The following PPP1R14C variants were observed in gnomAD, a reference collection of about 807,000 sequenced individuals.
PPP1R14C encodes protein phosphatase 1 regulatory inhibitor subunit 14C.
PPP1R14C carries 16 observed loss-of-function variants against 20.4 expected under a neutral mutation model. The ratio of observed to expected loss-of-function variants is 0.78; its 90% confidence interval spans 0.53 to 1.19. The LOEUF (loss-of-function observed/expected upper bound fraction) is 1.19. Ranked by LOEUF, PPP1R14C falls within the 50% of genes most tolerant of loss-of-function variation. The pLI, the probability that PPP1R14C is intolerant of heterozygous loss-of-function variation, is 0.00. For synonymous variants in PPP1R14C, 91 were observed against 91.0 expected (o/e 1.00, Z 0.00); for missense variants, 211 against 220.1 (o/e 0.96, Z 0.26).
chr6:150,161,491 T>A (rs1777367322), intron 1 of PPP1R14C, among the ~76,000 whole-genome samples: 2 of 152,204 alleles, frequency 1.3e-5, no homozygotes, highest in Non-Finnish European at 2.9e-5. Context: ...TCATTTGATG[T>A]CTTCGATTCT....
At chr6:150,190,434 C>CT (rs147541303) in intron 1 of PPP1R14C, among the ~76,000 whole-genome samples, 11,939 of 140,042 alleles carry the variant, frequency 0.085, 1,140 homozygotes, top group African/African-American at 0.24. Flanking sequence ...TGTATTTTGC[C>CT]TTTTTTTTTT....
intron 3 of PPP1R14C, among the ~76,000 whole-genome samples, chr6:150,241,661 C>T (rs1024037475): frequency 6.6e-5 from 10 of 152,052 alleles, no homozygotes; most frequent in African/African-American, 2.2e-4. Context: ...CCGAGGTGGG[C>T]GGATCACTTG....
intron 1 of PPP1R14C, among the ~76,000 whole-genome samples, chr6:150,146,623 G>T (rs1777183046): frequency 6.6e-6 from 1 of 152,150 alleles, no homozygotes; most frequent in African/African-American, 2.4e-5. Flanking sequence ...CGCACGCCCA[G>T]TCTTGGTATG....
chr6:150,237,674 C>T (rs772720158), intron 3 of PPP1R14C, among the ~76,000 whole-genome samples: 85 of 152,302 alleles, frequency 5.6e-4, no homozygotes, highest in Non-Finnish European at 7.2e-4. Context: ...TTAATCCTTA[C>T]AGCATCCTTG....
rs751336514 is a variant in PPP1R14C at position 150,185,663 on chromosome 6, C to A, written c.307-29081C>A. On this transcript the variant is annotated intron_variant, in intron 1 of 3. Coordinates refer to ENST00000361131, the MANE Select transcript of PPP1R14C (RefSeq NM_030949.3). This position sits in a 1 kb window ranked among gnomAD's most constrained non-coding sequence, Gnocchi z 4.1. ...AGCTGATGATCATTTATTATTCCAG[C>A]AAGCAGTGACAAATCAGCTCTGTGT... Among the ~76,000 whole-genome samples the A allele has an allele frequency of 1.7e-4, 26 of 152,092 alleles. No individual in the cohort carries two copies. The highest frequency in any genetic ancestry group is 3.2e-4 in the Non-Finnish European group (22 of 68,040).
intron 1 of PPP1R14C, among the ~76,000 whole-genome samples, chr6:150,196,964 G>T (rs1777812180): frequency 6.6e-6 from 1 of 152,226 alleles, no homozygotes; most frequent in African/African-American, 2.4e-5. Context: ...GGCATTTGCA[G>T]AAGATGCCAA....
chr6:150,214,801 G>C lies in PPP1R14C; in HGVS notation c.364G>C (p.Asp122His). The change falls in exon 2 of 4, where the codon GAT becomes CAT. Residue 122 changes from aspartate (D) to histidine (H), a missense_variant. Coordinates refer to ENST00000361131, the MANE Select transcript of PPP1R14C (RefSeq NM_030949.3). ...DIDDLLDADS[D>H]EERASKLQEA... The stretch of plus-strand genomic sequence containing the variant: ...TGATGATCTTCTTGATGCAGACAGT[G>C]ATGAAGAGAGAGCTTCAAAATTACA... 1 of 1,611,960 alleles carries C rather than the reference G, an allele frequency of 6.2e-7. No homozygotes were observed. The highest frequency in any genetic ancestry group is 8.5e-7 in the Non-Finnish European group (1 of 1,179,192).
At chr6:150,166,014 C>T (rs549189969) in intron 1 of PPP1R14C, among the ~76,000 whole-genome samples, 11 of 151,668 alleles carry the variant, frequency 7.3e-5, no homozygotes, top group Admixed American at 2.0e-4. Flanking sequence ...TACACCAGAT[C>T]GCATTGTGAG....
intron 1 of PPP1R14C, among the ~76,000 whole-genome samples, chr6:150,179,604 T>C (rs1390854425): frequency 6.6e-6 from 1 of 151,538 alleles, no homozygotes; most frequent in African/African-American, 2.4e-5. Flanking sequence ...TCCCCAAACA[T>C]CTTTCTCATG....
intron 1 of PPP1R14C, among the ~76,000 whole-genome samples, chr6:150,205,138 G>A (rs1272204835): frequency 1.3e-5 from 2 of 152,048 alleles, no homozygotes; most frequent in African/African-American, 4.8e-5. Flanking sequence ...CAGTGATACT[G>A]GCAACTTCCC....
intron 1 of PPP1R14C, among the ~76,000 whole-genome samples, chr6:150,186,648 A>G (rs542425283): frequency 6.6e-6 from 1 of 152,292 alleles, no homozygotes; most frequent in Non-Finnish European, 1.5e-5. Flanking sequence ...GGGAGAAGCC[A>G]ACCAACAGTG....
At chr6:150,214,914 C>A in intron 2 of PPP1R14C, 87 bp downstream of exon 2, 1 of 930,278 alleles carries the variant, frequency 1.1e-6, no homozygotes, top group Non-Finnish European at 1.7e-6. Context: ...CAACTGATTC[C>A]GCCCTGTGGT....
chr6:150,241,270 C>T (rs7748488), intron 3 of PPP1R14C, among the ~76,000 whole-genome samples: 8 of 152,176 alleles, frequency 5.3e-5, no homozygotes, highest in Admixed American at 3.3e-4. Flanking sequence ...GGGAGAGGGG[C>T]CCAGAGAGGG....
rs934025884 is a variant in PPP1R14C, at chr6:150,185,637, A to G, written c.307-29107A>G. ...CTGCGGCCTCCCTGTCTGTATTAGG[A>G]AGCTGATGATCATTTATTATTCCAG... On this transcript the variant is annotated intron_variant, in intron 1 of 3. Transcript: ENST00000361131. This position sits in a 1 kb window ranked among gnomAD's most constrained non-coding sequence, Gnocchi z 4.1. Among the ~76,000 whole-genome samples the G allele has an allele frequency of 1.3e-5, 2 of 152,192 alleles. No homozygotes were observed. The highest frequency in any genetic ancestry group is 1.9e-4 in the East Asian group (1 of 5,168).
Position 150,151,554 on chromosome 6 carries a change from C to T in PPP1R14C, c.306+8056C>T, listed in dbSNP as rs1015809738. 3.3e-5 allele frequency among the ~76,000 whole-genome samples: 5 copies of T among 152,202 alleles called. No individual in the cohort carries two copies. The East Asian group carries it at 9.6e-4, about 29-fold the overall frequency. On this transcript the variant is annotated intron_variant, in intron 1 of 3. Coordinates refer to ENST00000361131, the MANE Select transcript of PPP1R14C (RefSeq NM_030949.3). ...CAAATTACGGCAACCACTCTTTCTG[C>T]TACTGCACCCTCCACCACTGCTGCT...
At chr6:150,244,168 T>TAA (rs10660961) in intron 3 of PPP1R14C, among the ~76,000 whole-genome samples, 47,053 of 146,796 alleles carry the variant, frequency 0.32, 7,441 homozygotes, top group Middle Eastern at 0.37. Flanking sequence ...ATAAAGCTGC[T>TAA]AAAAAAAAAA....
At chr6:150,161,392 AAT>A (rs1408323122) in intron 1 of PPP1R14C, among the ~76,000 whole-genome samples, 2 of 152,214 alleles carry the variant, frequency 1.3e-5, no homozygotes, top group Non-Finnish European at 1.5e-5. Flanking sequence ...ACAGCAAGAA[AAT>A]ATATGTGTGT....
chr6:150,145,163 T>G (rs931615478), intron 1 of PPP1R14C, among the ~76,000 whole-genome samples: 1 of 152,336 alleles, frequency 6.6e-6, no homozygotes, highest in African/African-American at 2.4e-5. Context: ...AAACAATATA[T>G]TTAAAAAATA....
Position 150,171,566 on chromosome 6 carries a change from T to C in PPP1R14C, c.306+28068T>C, listed in dbSNP as rs142598841. On this transcript the variant is annotated intron_variant, in intron 1 of 3. Transcript: ENST00000361131. Reference sequence around the variant, plus strand: ...TCACGTCTCCACACAGAATCTGTGATTGACGCACACATTTGAAAGTTAAGT... The same window carrying C: ...TCACGTCTCCACACAGAATCTGTGACTGACGCACACATTTGAAAGTTAAGT... Among the ~76,000 whole-genome samples the C allele has an allele frequency of 1.7e-3, 252 of 152,348 alleles. 4 individuals carry two copies. The South Asian group carries it at 0.021, about 13-fold the overall frequency.
Sources: gnomAD v4.1 joint callset for allele counts (sites outside exome capture counted in the v4.1 genomes callset) on GRCh38, gnomAD v4.1.1 for gene constraint, Gnocchi (gnomAD v3.1) non-coding constraint, MANE v1.5 for transcripts, NCBI Gene and HGNC (gene_info 2026-07-23, HGNC 2026-07-21) for gene names.